CTSW: variants seen among roughly 807,000 people sequenced by gnomAD.
CTSW encodes lymphopain.
In CTSW, 42 loss-of-function variants were observed where a neutral mutation model predicts 43.8. The observed-to-expected ratio is 0.96, with a 90% confidence interval of 0.75 to 1.24. The LOEUF is 1.24. CTSW is among the 50% of genes most tolerant of loss of function. CTSW has a pLI of 0.00. For missense variants in CTSW, 475 were observed against 479.9 expected, an observed-to-expected ratio of 0.99 and a Z score of 0.09; for synonymous variants, 191 against 184.8, an observed-to-expected ratio of 1.03 and a Z score of -0.27.
Position 65,883,075 on chromosome 11 carries a change from C to T in CTSW, c.752C>T (p.Ala251Val), listed in dbSNP as rs765337885. ...ATGATGTTCCTGTCCCCAGGAATTGCGCAGTACCTGGCCACTTATGGCCCC... is the reference window on the plus strand; with the variant it reads ...ATGATGTTCCTGTCCCCAGGAATTGTGCAGTACCTGGCCACTTATGGCCCC... Reference protein sequence around the residue: ...IMLQNNEHRIAQYLATYGPIT... With the variant: ...IMLQNNEHRIVQYLATYGPIT... Residue 251 changes from alanine (A) to valine (V), a missense_variant, in exon 8 of 10, where the codon GCG (alanine) becomes GTG (valine). Ala to Val is a moderately conservative substitution (Grantham distance 64). Coordinates refer to ENST00000307886, the MANE Select transcript of CTSW (RefSeq NM_001335.4). 2.2e-5 allele frequency: 35 copies of T among 1,613,984 alleles called. No homozygotes were observed. The highest frequency in any genetic ancestry group is 5.3e-5 in the African/African-American group (4 of 74,884).
chr11:65,883,391 G>A lies in CTSW; in HGVS notation c.987G>A (p.Leu329=). ...CACACCCCACCCCATACTGGATCCT[G>A]AAGAACTCCTGGGGGGCCCAATGGG... The part of the protein sequence containing the change: ...QPPHPTPYWI[L]KNSWGAQWGE... The change falls in exon 9 of 10, where the codon CTG becomes CTA. Residue 329 remains leucine (L), a synonymous_variant. Coordinates refer to ENST00000307886, the MANE Select transcript of CTSW (RefSeq NM_001335.4). 2 of 1,614,080 alleles carry A rather than the reference G, an allele frequency of 1.2e-6. No individual in the cohort carries two copies. The highest frequency in any genetic ancestry group is 1.7e-6 in the Non-Finnish European group (2 of 1,180,002).
chr11:65,883,696 C>A lies in CTSW; in HGVS notation c.*78C>A. On this transcript the variant is annotated 3_prime_UTR_variant, in exon 10 of 10. Coordinates refer to ENST00000307886, the MANE Select transcript of CTSW (RefSeq NM_001335.4). ...GCCCCACCCCCAGGTTTTTGCCCAT[C>A]CTCCCAATCTCAATACAGCCTGAAT... 1.5e-6 allele frequency: 2 copies of A among 1,322,280 alleles called. No individual in the cohort carries two copies. The highest frequency in any genetic ancestry group is 2.2e-6 in the Non-Finnish European group (2 of 928,968). The allele number at this position is 1,322,280 out of a possible 1,614,324, so 81.9% of individuals were successfully genotyped here. A position where few individuals can be genotyped will look rare whatever the true frequency, so the allele number is the denominator to read the frequency against.
rs1860141218 is a variant in CTSW, at chr11:65,883,318, A to T, written c.914A>T (p.Glu305Val). ...GGTTTTGGCAGCGTCAAGTCAGAGGAGGGGATATGGGCAGAGACAGTCTCA... is the reference window on the plus strand; with the variant it reads ...GGTTTTGGCAGCGTCAAGTCAGAGGTGGGGATATGGGCAGAGACAGTCTCA... ...LVGFGSVKSEEGIWAETVSSQ... is the reference protein window; with the variant it reads ...LVGFGSVKSEVGIWAETVSSQ... Residue 305 changes from glutamate (E) to valine (V), a missense_variant, in exon 9 of 10, where the codon GAG (glutamate) becomes GTG (valine). Coordinates refer to ENST00000307886, the MANE Select transcript of CTSW (RefSeq NM_001335.4). The T allele has an allele frequency of 1.2e-6, 2 of 1,613,890 alleles. No homozygotes were observed.
rs939206582 is a variant in CTSW, at chr11:65,882,911, G to A, written c.745+7G>A. The A allele has an allele frequency of 3.7e-6, 6 of 1,613,704 alleles. No homozygotes were observed. The African/African-American group carries it at 8.0e-5, about 22-fold the overall frequency. On this transcript the variant is annotated splice_region_variant and intron_variant, in intron 7 of 9. Transcript: ENST00000307886. ...CTGCAGAACAACGAGCACAGTGCGGGCAGGGCAGGGACACGGGCGGATGGC... is the reference window on the plus strand; with the variant it reads ...CTGCAGAACAACGAGCACAGTGCGGACAGGGCAGGGACACGGGCGGATGGC...
chr11:65,881,684 G>A (rs1307459734), intron 3 of CTSW, among the ~76,000 whole-genome samples, 164 bp downstream of exon 3: 2 of 152,190 alleles, frequency 1.3e-5, no homozygotes, highest in African/African-American at 2.4e-5. Context: ...ACCCAGTGCA[G>A]GGGCAGAATC....
At chr11:65,880,315 C>A in intron 2 of CTSW, 29 bp downstream of exon 2, 2 of 1,543,718 alleles carry the variant, frequency 1.3e-6, no homozygotes, top group Non-Finnish European at 1.8e-6. Context: ...ATCTCCAGTC[C>A]AAGCCCCCAC....
chr11:65,883,481 C>T, intron 9 of CTSW, 27 bp from the exon 10 acceptor site: 1 of 1,611,782 alleles, frequency 6.2e-7, no homozygotes, highest in African/African-American at 1.3e-5. Context: ...TCCCACCTTC[C>T]CGCCCCTATG....
chr11:65,883,298 T>C lies in CTSW; in HGVS notation c.894T>C (p.Phe298=). 6.2e-7 allele frequency: 1 copy of C among 1,614,060 alleles called. No homozygotes were observed. The highest frequency in any genetic ancestry group is 8.5e-7 in the Non-Finnish European group (1 of 1,180,000). ...ACCACTCTGTCCTGCTGGTGGGTTT[T>C]GGCAGCGTCAAGTCAGAGGAGGGGA... The part of the protein sequence containing the change: ...LVDHSVLLVG[F]GSVKSEEGIW... Residue 298 remains phenylalanine, a synonymous_variant, in exon 9 of 10, where the codon TTT becomes TTC. Transcript: ENST00000307886.
chr11:65,881,428 T>A lies in CTSW; in HGVS notation c.194T>A (p.Ile65Asn), dbSNP rs770809672. The change falls in exon 3 of 10, where the codon ATC (isoleucine) becomes AAC (asparagine). Residue 65 changes from isoleucine (I) to asparagine (N), a missense_variant. Physicochemically the swap from Ile to Asn is moderately radical, Grantham distance 149. Transcript: ENST00000307886. ...SPEEHAHRLDIFAHNLAQAQR... is the reference protein window; with the variant it reads ...SPEEHAHRLDNFAHNLAQAQR... ...CCAGAGCATGCTCACCGCCTGGACA[T>A]CTTTGCCCACAACCTGGCCCAGGCT... is the stretch of plus-strand genomic sequence containing the variant. The A allele has an allele frequency of 1.2e-5, 20 of 1,606,784 alleles. No homozygotes were observed. The highest frequency in any genetic ancestry group is 1.6e-5 in the Non-Finnish European group (19 of 1,176,168).
intron 7 of CTSW, 80 bp from the exon 8 acceptor site, chr11:65,882,989 C>A: frequency 6.2e-7 from 1 of 1,612,120 alleles, no homozygotes; most frequent in South Asian, 1.1e-5. Context: ...GGCTAGAAGA[C>A]AAGAGGGGGT....
At chr11:65,881,386 G>A (rs371072395) in intron 2 of CTSW, 21 bp from the exon 3 acceptor site, 1 of 1,560,254 alleles carries the variant, frequency 6.4e-7, no homozygotes, top group Non-Finnish European at 8.7e-7. Context: ...GTCAGCCTAG[G>A]ACAACTCCCT....
At chr11:65,881,622 G>A in intron 3 of CTSW, 102 bp downstream of exon 3, 3 of 759,924 alleles carry the variant, frequency 3.9e-6, no homozygotes, top group Non-Finnish European at 6.4e-6. Flanking sequence ...ACTTCCCAGG[G>A]AAGGAAATTC....
At chr11:65,882,105 T>G in intron 3 of CTSW, 70 bp from the exon 4 acceptor site, 2 of 1,564,914 alleles carry the variant, frequency 1.3e-6, no homozygotes, top group Non-Finnish European at 1.7e-6. Flanking sequence ...GACCAACAGC[T>G]GGAGTGGGAG....
intron 2 of CTSW, among the ~76,000 whole-genome samples, chr11:65,880,774 AG>A (rs1479028566): frequency 2.0e-5 from 3 of 152,086 alleles, no homozygotes; most frequent in Non-Finnish European, 4.4e-5. Context: ...ATGGATCTGG[AG>A]GGCAGTGGCA....
At chr11:65,883,165 T>C (rs35982421) in intron 8 of CTSW, 32 bp downstream of exon 8, 188 of 1,613,546 alleles carry the variant, frequency 1.2e-4, no homozygotes, top group Admixed American at 3.2e-4. Flanking sequence ...GGAAGGGGCA[T>C]ACAGGAGACT....
chr11:65,883,740 T>G lies in CTSW; in HGVS notation c.*122T>G. The G allele has an allele frequency of 2.2e-6, 2 of 918,628 alleles. No individual in the cohort carries two copies. Among genetic ancestry groups the G allele is most frequent in the Non-Finnish European group, 3.4e-6 (2 of 590,920 alleles). 56.9% of individuals were successfully genotyped at this position (918,628 alleles called of 1,614,324 possible). A position where few individuals can be genotyped will look rare whatever the true frequency, so the allele number is the denominator to read the frequency against. On this transcript the variant is annotated 3_prime_UTR_variant, in exon 10 of 10. Transcript: ENST00000307886. Reference sequence around the variant, plus strand: ...CCTGAATAAACCAAGACAAGACCTCTGGCTTGTGAGCAGACTCTTCTGGTG... The same window carrying G: ...CCTGAATAAACCAAGACAAGACCTCGGGCTTGTGAGCAGACTCTTCTGGTG...
At position 65,880,305 on chromosome 11, in the gene CTSW, A is replaced by C; in HGVS notation, c.172+19A>C. 1 of 1,592,888 alleles carries C rather than the reference A, an allele frequency of 6.3e-7. No individual in the cohort carries two copies. The highest frequency in any genetic ancestry group is 8.6e-7 in the Non-Finnish European group (1 of 1,166,460). ...CCAGAAGGTATCACAGGGCACATAC[A>C]TCTCCAGTCCAAGCCCCCACTTTTT... On this transcript the variant is annotated intron_variant, in intron 2 of 9. Transcript: ENST00000307886.
In CTSW at chr11:65,883,355, G is replaced by A. The variant is rs1860142718; in HGVS notation, c.951G>A (p.Gln317=). 1.2e-6 allele frequency: 2 copies of A among 1,613,960 alleles called. No individual in the cohort carries two copies. Among genetic ancestry groups the A allele is most frequent in the East Asian group, 2.2e-5 (1 of 44,894 alleles). The change falls in exon 9 of 10, where the codon CAG becomes CAA. Residue 317 remains glutamine, a synonymous_variant. Coordinates refer to ENST00000307886, the MANE Select transcript of CTSW (RefSeq NM_001335.4). The part of the protein sequence containing the change: ...IWAETVSSQS[Q]PQPPHPTPYW... Reference sequence around the variant, plus strand: ...CAGAGACAGTCTCATCGCAGTCTCAGCCTCAGCCTCCACACCCCACCCCAT... The same window carrying A: ...CAGAGACAGTCTCATCGCAGTCTCAACCTCAGCCTCCACACCCCACCCCAT...
intron 2 of CTSW, chr11:65,880,625 C>T (rs577263469): frequency 2.1e-4 from 53 of 251,974 alleles, no homozygotes; most frequent in African/African-American, 9.5e-4. Flanking sequence ...CCAGCCATCC[C>T]GCTTTGTAAT....
Sources: gnomAD v4.1 joint callset for allele counts (sites outside exome capture counted in the v4.1 genomes callset) on GRCh38, gnomAD v4.1.1 for gene constraint, MANE v1.5 for transcripts, NCBI Gene and HGNC (gene_info 2026-07-23, HGNC 2026-07-21) for gene names.